Variants in ELAPOR1 observed in about 807,000 individuals in gnomAD.
ELAPOR1 encodes endosome-lysosome associated apoptosis and autophagy regulator 1.
A neutral mutation model predicts 119.7 loss-of-function variants in ELAPOR1; 77 were observed. The observed-to-expected ratio is 0.64, with a 90% confidence interval of 0.54 to 0.78. ELAPOR1 has a LOEUF of 0.78. Ranked by LOEUF, ELAPOR1 falls within the 30% of genes least tolerant of loss-of-function variation. ELAPOR1 has a pLI of 0.00. For missense variants in ELAPOR1, 1,115 were observed against 1,270.4 expected, an observed-to-expected ratio of 0.88 and a Z score of 1.86; for synonymous variants, 481 against 487.2, an observed-to-expected ratio of 0.99 and a Z score of 0.17.
chr1:109,189,066 A>G lies in ELAPOR1; in HGVS notation c.1220A>G (p.Asp407Gly). Residue 407 changes from aspartate to glycine, a missense_variant and splice_region_variant, in exon 10 of 22, where the codon GAC (aspartate) becomes GGC (glycine). Coordinates refer to ENST00000369939, the MANE Select transcript of ELAPOR1 (RefSeq NM_020775.5). ...CPYGSYSNGS[D>G]CTRCPAGTEP... The stretch of plus-strand genomic sequence containing the variant: ...ATGGATCTTGTTTGTGGTTCCCCAG[A>G]CTGTACCCGCTGCCCTGCAGGGACT... 2.5e-6 allele frequency: 4 copies of G among 1,613,534 alleles called. No individual in the cohort carries two copies. Among genetic ancestry groups the G allele is most frequent in the Middle Eastern group, 1.7e-4 (1 of 5,768 alleles).
chr1:109,186,526 C>G (rs1344609747), intron 8 of ELAPOR1: 1 of 985,342 alleles, frequency 1.0e-6, no homozygotes, highest in Non-Finnish European at 1.2e-6. Flanking sequence ...TCATCTCTTA[C>G]CAACACCACC....
chr1:109,162,069 C>G (rs892766806), intron 2 of ELAPOR1, 55 bp downstream of exon 2: 2 of 1,562,374 alleles, frequency 1.3e-6, no homozygotes, highest in African/African-American at 1.3e-5. Flanking sequence ...GTCTCTCCCC[C>G]AAGTCTCCTG....
chr1:109,160,202 G>T (rs1651158113), intron 1 of ELAPOR1, among the ~76,000 whole-genome samples: 1 of 151,864 alleles, frequency 6.6e-6, no homozygotes, highest in Non-Finnish European at 1.5e-5. Context: ...AGCTACTTGG[G>T]AAGCTGAGGT....
rs1010349013 is a variant in ELAPOR1 at position 109,203,700 on chromosome 1, C to G, written c.*688C>G. 3 of 151,888 alleles carry G rather than the reference C, an allele frequency of 2.0e-5. No individual in the cohort carries two copies. The highest frequency in any genetic ancestry group is 2.9e-5 in the Non-Finnish European group (2 of 68,014). The allele number at this position is 151,888 out of a possible 1,614,324, so 9.4% of individuals were successfully genotyped here. ...GACCATCCTGGCTAACACGGTGAAA[C>G]CCCGTCTCTACTAAAAATACAAAAA... On this transcript the variant is annotated 3_prime_UTR_variant, in exon 22 of 22. Transcript: ENST00000369939.
intron 21 of ELAPOR1, 61 bp downstream of exon 21, chr1:109,200,961 C>T (rs1403067780): frequency 3.9e-6 from 6 of 1,525,890 alleles, no homozygotes; most frequent in Non-Finnish European, 5.4e-6. Context: ...CACTGCTCCT[C>T]AGACACTGAA....
chr1:109,134,761 T>G lies in ELAPOR1; in HGVS notation c.153+20425T>G, dbSNP rs189022417. ...TAACAACATCTTGCCAGTCTTATCC[T>G]AGAGAGGACAGCTAGTTCTCCTTGC... On this transcript the variant is annotated intron_variant, in intron 1 of 21. Coordinates refer to ENST00000369939, the MANE Select transcript of ELAPOR1 (RefSeq NM_020775.5). Among the ~76,000 whole-genome samples, 7 of 152,288 alleles carry G rather than the reference T, an allele frequency of 4.6e-5. No homozygotes were observed. In the East Asian group the frequency reaches 1.4e-3, roughly 29 times the overall value.
At chr1:109,118,137 A>AC (rs1648145026) in intron 1 of ELAPOR1, among the ~76,000 whole-genome samples, 1 of 151,962 alleles carries the variant, frequency 6.6e-6, no homozygotes, top group Non-Finnish European at 1.5e-5. Context: ...CAAAAAAAAA[A>AC]AGAAAGAAAG....
chr1:109,161,848 T>C, intron 1 of ELAPOR1, 46 bp from the exon 2 acceptor site: 1 of 1,573,982 alleles, frequency 6.4e-7, no homozygotes, highest in Non-Finnish European at 8.7e-7. Context: ...TGTTAATGTT[T>C]GATCACTGCT....
chr1:109,135,925 G>A (rs1649440765), intron 1 of ELAPOR1, among the ~76,000 whole-genome samples: 1 of 152,160 alleles, frequency 6.6e-6, no homozygotes, highest in Non-Finnish European at 1.5e-5. Context: ...CAAAGTCCAA[G>A]GACCATGAGG....
intron 1 of ELAPOR1, among the ~76,000 whole-genome samples, chr1:109,158,778 A>G (rs907322226): frequency 1.2e-4 from 18 of 152,116 alleles, no homozygotes; most frequent in African/African-American, 4.3e-4. Flanking sequence ...GAGTAAACTG[A>G]GTAACAGATC....
At position 109,120,865 on chromosome 1, in the gene ELAPOR1, G is replaced by C. The variant is rs774403359; in HGVS notation, c.153+6529G>C. ...TCATTCAGATCACTCACTAAATAGA[G>C]TCCAGGTGAAAGCAACTTCTAGGGC... On this transcript the variant is annotated intron_variant, in intron 1 of 21. Transcript: ENST00000369939. Among the ~76,000 whole-genome samples, 47 of 152,322 alleles carry C rather than the reference G, an allele frequency of 3.1e-4. No individual in the cohort carries two copies. In the Middle Eastern group the frequency reaches 0.01, roughly 33 times the overall value.
At chr1:109,173,387 G>C (rs1480312532) in intron 5 of ELAPOR1, 87 bp from the exon 6 acceptor site, 8 of 1,072,266 alleles carry the variant, frequency 7.5e-6, no homozygotes, top group African/African-American at 1.6e-5. Context: ...CAGTTAGTAA[G>C]AGAAGTCATC....
chr1:109,154,281 CAAAAAAAAAAA>C (rs745938875), intron 1 of ELAPOR1, among the ~76,000 whole-genome samples: 1 of 39,744 alleles, frequency 2.5e-5, no homozygotes, highest in Admixed American at 2.7e-4. Context: ...AACTCCGTCT[CAAAAAAAAAAA>C]AAAAAAAAAA....
At chr1:109,137,818 G>A (rs1457441365) in intron 1 of ELAPOR1, among the ~76,000 whole-genome samples, 2 of 152,184 alleles carry the variant, frequency 1.3e-5, no homozygotes, top group Non-Finnish European at 2.9e-5. Flanking sequence ...GTGAGCCACC[G>A]CGCCCGGCCT....
intron 8 of ELAPOR1, 86 bp downstream of exon 8, chr1:109,185,219 G>A: frequency 9.7e-7 from 1 of 1,032,024 alleles, no homozygotes; most frequent in Non-Finnish European, 1.5e-6. Flanking sequence ...AACTTCAGCA[G>A]TCAATGACAT....
chr1:109,181,420 C>T (rs1027759313), intron 7 of ELAPOR1, among the ~76,000 whole-genome samples: 1 of 152,188 alleles, frequency 6.6e-6, no homozygotes, highest in Non-Finnish European at 1.5e-5. Context: ...TAGCATCCAA[C>T]TTAAACACTT....
At chr1:109,168,330 TCTC>T (rs1651716690) in intron 3 of ELAPOR1, among the ~76,000 whole-genome samples, 1 of 152,180 alleles carries the variant, frequency 6.6e-6, no homozygotes, top group Non-Finnish European at 1.5e-5. Flanking sequence ...TAAGCTTCTG[TCTC>T]CTCAACTAGA....
At position 109,185,112 on chromosome 1, in the gene ELAPOR1, G is replaced by A. The variant is rs748952439; in HGVS notation, c.1020G>A (p.Thr340=). 1.9e-6 allele frequency: 3 copies of A among 1,613,812 alleles called. No individual in the cohort carries two copies. The highest frequency in any genetic ancestry group is 1.1e-5 in the South Asian group (1 of 91,074). ...ACAAAGATTATTTCTACACACACAC[G>A]GCCTGCGATGCCAACGGAGAGGTGG... The part of the protein sequence containing the change: ...CTDKDYFYTH[T]ACDANGETQL... The change falls in exon 8 of 22, where the codon ACG becomes ACA. Residue 340 remains threonine (T), a synonymous_variant. Coordinates refer to ENST00000369939, the MANE Select transcript of ELAPOR1 (RefSeq NM_020775.5).
chr1:109,169,262 T>G (rs1651780292), intron 3 of ELAPOR1, among the ~76,000 whole-genome samples: 1 of 152,194 alleles, frequency 6.6e-6, no homozygotes, highest in African/African-American at 2.4e-5. Context: ...TATTTTGATA[T>G]GGAGTCTCGC....
Sources: gnomAD v4.1 joint callset for allele counts (sites outside exome capture counted in the v4.1 genomes callset) on GRCh38, gnomAD v4.1.1 for gene constraint, MANE v1.5 for transcripts, NCBI Gene and HGNC (gene_info 2026-07-23, HGNC 2026-07-21) for gene names.